DCC: variants seen among roughly 807,000 people sequenced by gnomAD.
DCC encodes DCC netrin 1 receptor.
DCC carries 58 observed loss-of-function variants against 172.5 expected under a neutral mutation model. The observed-to-expected ratio is 0.34, with a 90% CI of 0.27 to 0.42. The LOEUF is 0.42. Ranked by LOEUF, DCC falls within the 10% of genes least tolerant of loss-of-function variation. The probability of loss-of-function intolerance (pLI) is 1.00; values close to 1 mark genes in which losing one functional copy is unlikely to be tolerated. For synonymous variants in DCC, 709 were observed against 644.5 expected, an observed-to-expected ratio of 1.10 and a Z score of -1.52; for missense variants, 1,740 against 1,791.0, an observed-to-expected ratio of 0.97 and a Z score of 0.51.
At chr18:53,204,932 T>A (rs1435306793) in intron 9 of DCC, among the ~76,000 whole-genome samples, 1 of 152,194 alleles carries the variant, frequency 6.6e-6, no homozygotes, top group Non-Finnish European at 1.5e-5. Context: ...ACAATCCCAC[T>A]CTTTGCTGCC....
intron 2 of DCC, among the ~76,000 whole-genome samples, chr18:52,881,016 G>A (rs2039477838): frequency 6.6e-6 from 1 of 152,008 alleles, no homozygotes; most frequent in Non-Finnish European, 1.5e-5. Context: ...ATCCTCTCCA[G>A]CATTTTTATT....
At chr18:53,473,834 T>TGGAAGG (rs2045728066) in intron 25 of DCC, among the ~76,000 whole-genome samples, 1 of 152,294 alleles carries the variant, frequency 6.6e-6, no homozygotes, top group Admixed American at 6.5e-5. Flanking sequence ...GCTATCTCCA[T>TGGAAGG]TGTCTAAACA....
At chr18:52,476,480 A>G (rs922909718) in intron 1 of DCC, among the ~76,000 whole-genome samples, 5 of 152,184 alleles carry the variant, frequency 3.3e-5, no homozygotes, top group African/African-American at 9.6e-5. Flanking sequence ...CAAGCTTTTC[A>G]TTTGTATAAT....
At chr18:53,402,920 C>G in intron 19 of DCC, 27 bp downstream of exon 19, 1 of 1,493,146 alleles carries the variant, frequency 6.7e-7, no homozygotes, top group Non-Finnish European at 9.3e-7. Flanking sequence ...TCTCTCCCAG[C>G]ATAGCTCTCC....
chr18:52,975,457 C>A (rs138103328), intron 5 of DCC, among the ~76,000 whole-genome samples: 1 of 152,160 alleles, frequency 6.6e-6, no homozygotes, highest in Non-Finnish European at 1.5e-5. Context: ...TATTTCATCA[C>A]AGCTATTAAG....
At chr18:52,862,492 CAA>C (rs1445324787) in intron 2 of DCC, among the ~76,000 whole-genome samples, 9 of 152,014 alleles carry the variant, frequency 5.9e-5, no homozygotes, top group African/African-American at 1.7e-4. Flanking sequence ...CACCTGAGAT[CAA>C]GAGTTGGAGA....
At chr18:53,249,958 C>T (rs749669931) in intron 12 of DCC, among the ~76,000 whole-genome samples, 5 of 151,942 alleles carry the variant, frequency 3.3e-5, no homozygotes, top group Non-Finnish European at 7.4e-5. Flanking sequence ...ACAGAATACT[C>T]TGCTCAAATT....
intron 1 of DCC, among the ~76,000 whole-genome samples, chr18:52,749,672 C>G (rs2145128659): frequency 6.6e-6 from 1 of 152,280 alleles, no homozygotes; most frequent in Non-Finnish European, 1.5e-5. Context: ...GTCATAATCT[C>G]CTTGTTTCAG....
chr18:53,050,784 T>A (rs2042323475), intron 5 of DCC, among the ~76,000 whole-genome samples: 1 of 152,132 alleles, frequency 6.6e-6, no homozygotes, highest in Non-Finnish European at 1.5e-5. Flanking sequence ...TCTACCCGAT[T>A]GCTCCAGCCA....
At chr18:52,826,251 T>C (rs915184966) in intron 2 of DCC, among the ~76,000 whole-genome samples, 2 of 152,124 alleles carry the variant, frequency 1.3e-5, no homozygotes, top group Admixed American at 1.3e-4. Flanking sequence ...GCCCAAAGGA[T>C]TGAAGTGAGA....
At chr18:53,011,770 T>C (rs1458540117) in intron 5 of DCC, among the ~76,000 whole-genome samples, 1 of 151,754 alleles carries the variant, frequency 6.6e-6, no homozygotes, top group African/African-American at 2.4e-5. Flanking sequence ...TACCAACGTA[T>C]TCCATCTCCT....
At chr18:53,491,782 A>T (rs2045962250) in intron 26 of DCC, among the ~76,000 whole-genome samples, 1 of 152,182 alleles carries the variant, frequency 6.6e-6, no homozygotes, top group South Asian at 2.1e-4. Context: ...TGCCACAATA[A>T]ATATACACAT....
chr18:52,365,941 G>A (rs1984828309), intron 1 of DCC, among the ~76,000 whole-genome samples: 1 of 152,150 alleles, frequency 6.6e-6, no homozygotes, highest in Admixed American at 6.5e-5. Flanking sequence ...GCTGACCCCT[G>A]TACCAGGCTC....
chr18:53,268,190 A>AT (rs1245063058), intron 12 of DCC, among the ~76,000 whole-genome samples: 1 of 152,150 alleles, frequency 6.6e-6, no homozygotes, highest in Non-Finnish European at 1.5e-5. Flanking sequence ...TTTCAAAGGA[A>AT]TTTTTTCTCA....
chr18:53,156,341 A>G (rs1456597614), intron 7 of DCC, among the ~76,000 whole-genome samples: 2 of 151,716 alleles, frequency 1.3e-5, no homozygotes, highest in East Asian at 3.9e-4. Flanking sequence ...AAAATTAGCC[A>G]GGCGTGGGGG....
chr18:52,855,643 C>CT (rs2039039896), intron 2 of DCC, among the ~76,000 whole-genome samples: 1 of 152,070 alleles, frequency 6.6e-6, no homozygotes, highest in South Asian at 2.1e-4. Context: ...TCACTTGTAC[C>CT]TTGCACAGTT....
intron 8 of DCC, among the ~76,000 whole-genome samples, chr18:53,170,482 T>A (rs77350000): frequency 3.3e-5 from 5 of 152,228 alleles, no homozygotes; most frequent in African/African-American, 1.2e-4. Context: ...TCTATGTAGC[T>A]TTTTTCTATG....
Position 53,348,232 on chromosome 18 carries a change from A to G in DCC, c.2359+8325A>G, listed in dbSNP as rs1440929511. 5.9e-5 allele frequency among the ~76,000 whole-genome samples: 9 copies of G among 152,282 alleles called. No homozygotes were observed. The East Asian group carries it at 1.7e-3, about 29-fold the overall frequency. Reference sequence around the variant, plus strand: ...CATCGGGTAAATACAGCCATTCCAAATGGGAGAAATTGGCCAAAACAAAGG... The same window carrying G: ...CATCGGGTAAATACAGCCATTCCAAGTGGGAGAAATTGGCCAAAACAAAGG... On this transcript the variant is annotated intron_variant, in intron 15 of 28. Coordinates refer to ENST00000442544, the MANE Select transcript of DCC (RefSeq NM_005215.4).
chr18:53,003,186 A>G (rs1339231505), intron 5 of DCC, among the ~76,000 whole-genome samples: 1 of 151,704 alleles, frequency 6.6e-6, no homozygotes, highest in African/African-American at 2.4e-5. Context: ...CCATTTCCTC[A>G]GCAACTTGGC....
Sources: allele counts gnomAD v4.1 joint callset (sites outside exome capture counted in the v4.1 genomes callset), GRCh38; gene constraint gnomAD v4.1.1; transcripts MANE v1.5; gene names NCBI Gene and HGNC (gene_info 2026-07-23, HGNC 2026-07-21).